ALPK2: variants seen among roughly 807,000 people sequenced by gnomAD.
The protein encoded by ALPK2 is alpha-protein kinase 2.
Under a neutral mutation model 163.1 loss-of-function variants are expected in ALPK2, and 127 were observed. That is an observed-to-expected ratio of 0.78 (90% confidence interval 0.67 to 0.90). The LOEUF (loss-of-function observed/expected upper bound fraction) is 0.90. Ranked by LOEUF, ALPK2 falls within the 40% of genes least tolerant of loss-of-function variation. The probability of loss-of-function intolerance (pLI) is 0.00; values close to 1 mark genes in which losing one functional copy is unlikely to be tolerated. For missense variants in ALPK2, 2,360 were observed against 2,589.6 expected, an observed-to-expected ratio of 0.91 and a Z score of 1.92; for synonymous variants, 953 against 959.1, an observed-to-expected ratio of 0.99 and a Z score of 0.12.
intron 4 of ALPK2, among the ~76,000 whole-genome samples, chr18:58,554,234 G>A (rs1004176016): frequency 6.6e-6 from 1 of 152,172 alleles, no homozygotes; most frequent in African/African-American, 2.4e-5. Context: ...TTTGGGGCTG[G>A]AATGATGGAC....
Position 58,537,233 on chromosome 18 carries a change from G to A in ALPK2, c.2954C>T (p.Pro985Leu), listed in dbSNP as rs551156952. The A allele has an allele frequency of 1.2e-6, 2 of 1,614,190 alleles. No homozygotes were observed. The highest frequency in any genetic ancestry group is 1.7e-6 in the Non-Finnish European group (2 of 1,180,008). ...AGTTAATGTTGTTGGCTTCTCCCAA[G>A]GAAAACTCACAATTGAACTATAACT... ...PASYSSIVSF[P>L]WEKPTTLTAN... Residue 985 changes from proline to leucine, a missense_variant, in exon 5 of 13, where the codon CCT (proline) becomes CTT (leucine). Pro to Leu is a moderately conservative substitution (Grantham distance 98). Coordinates refer to ENST00000361673, the MANE Select transcript of ALPK2 (RefSeq NM_052947.4).
chr18:58,579,067 G>A lies in ALPK2; in HGVS notation c.1709C>T (p.Ser570Phe). The A allele has an allele frequency of 1.9e-6, 3 of 1,614,246 alleles. No homozygotes were observed. Among genetic ancestry groups the A allele is most frequent in the Non-Finnish European group, 2.5e-6 (3 of 1,180,046 alleles). The change falls in exon 4 of 13, where the codon TCT (serine) becomes TTT (phenylalanine). Residue 570 changes from serine to phenylalanine, a missense_variant. Physicochemically the swap from Ser to Phe is radical, Grantham distance 155 (BLOSUM62 -2). Transcript: ENST00000361673. ...ACTCTGGGTTAGTGGGGGCTCAGCAGATTCTTTGGCAGAGCAGAGATGAAG... is the reference window on the plus strand; with the variant it reads ...ACTCTGGGTTAGTGGGGGCTCAGCAAATTCTTTGGCAGAGCAGAGATGAAG... ...GTLHLCSAKE[S>F]AEPPLTQSDK...
intron 11 of ALPK2, among the ~76,000 whole-genome samples, chr18:58,498,625 ATG>A (rs1348094193): frequency 6.6e-6 from 1 of 152,176 alleles, no homozygotes; most frequent in Non-Finnish European, 1.5e-5. Context: ...CATAATTCCC[ATG>A]TGTGGTGAGA....
chr18:58,482,214 CTG>C (rs1022556494), intron 12 of ALPK2, among the ~76,000 whole-genome samples, 175 bp from the exon 13 acceptor site: 3 of 152,136 alleles, frequency 2.0e-5, no homozygotes, highest in African/African-American at 7.2e-5. Context: ...AAAACAAAGA[CTG>C]TGGAAATAAG....
Position 58,535,863 on chromosome 18 carries a change from CCATGTTTCCGT to C in ALPK2, c.4313_4323del (p.Asp1438GlyfsTer23), listed in dbSNP as rs1653283872. On this transcript the variant is annotated frameshift_variant, in exon 5 of 13. Coordinates refer to ENST00000361673, the MANE Select transcript of ALPK2 (RefSeq NM_052947.4). Reference sequence around the variant, plus strand: ...GCCGGCTGGATTTCCGCTTCGTGGCCCATGTTTCCGTCATTTGATTGACCCCCTTCTCTGGC... The same window carrying C: ...GCCGGCTGGATTTCCGCTTCGTGGCCCATTTGATTGACCCCCTTCTCTGGC... 3 of 1,614,082 alleles carry C rather than the reference CCATGTTTCCGT, an allele frequency of 1.9e-6. No individual in the cohort carries two copies. Among genetic ancestry groups the C allele is most frequent in the Non-Finnish European group, 2.5e-6 (3 of 1,180,018 alleles).
chr18:58,504,073 T>A lies in ALPK2; in HGVS notation c.6105A>T (p.Gly2035=), dbSNP rs76982718. 65 of 1,614,056 alleles carry A rather than the reference T, an allele frequency of 4.0e-5. No homozygotes were observed. The East Asian group carries it at 1.4e-3, about 36-fold the overall frequency. The change falls in exon 11 of 13, where the codon GGA becomes GGT. Residue 2035 remains glycine, a synonymous_variant. Coordinates refer to ENST00000361673, the MANE Select transcript of ALPK2 (RefSeq NM_052947.4). ...PYATVEEELI[G]EFVKYSIRDG... is the part of the protein sequence containing the mutation. Reference sequence around the variant, plus strand: ...CCCTGATGGAATACTTCACAAATTCTCCAATCAGCTCCTCCTCCACTGTAG... The same window carrying A: ...CCCTGATGGAATACTTCACAAATTCACCAATCAGCTCCTCCTCCACTGTAG...
intron 3 of ALPK2, among the ~76,000 whole-genome samples, chr18:58,596,243 TCGTCTGC>T (rs1292889937): frequency 6.6e-6 from 1 of 152,214 alleles, no homozygotes; most frequent in Non-Finnish European, 1.5e-5. Context: ...TGGCTTCCCT[TCGTCTGC>T]CGTTCTGTTG....
intron 6 of ALPK2, chr18:58,528,761 A>G (rs908491342): frequency 6.7e-6 from 2 of 297,084 alleles, no homozygotes; most frequent in Non-Finnish European, 1.3e-5. Context: ...TACAGATGAG[A>G]GCTCTTTAAT....
chr18:58,524,958 A>C (rs991653541), intron 6 of ALPK2, among the ~76,000 whole-genome samples: 2 of 151,806 alleles, frequency 1.3e-5, no homozygotes, highest in Admixed American at 1.3e-4. Flanking sequence ...CAGCAAAAAA[A>C]AAAAAAAAAA....
At chr18:58,603,437 C>T (rs556753646) in intron 3 of ALPK2, among the ~76,000 whole-genome samples, 3 of 152,254 alleles carry the variant, frequency 2.0e-5, no homozygotes, top group African/African-American at 4.8e-5. Context: ...CCAGCCTAGC[C>T]GATGCCAGGG....
At position 58,579,715 on chromosome 18, in the gene ALPK2, AC is replaced by A. The variant is rs1568091875; in HGVS notation, c.1060del (p.Val354PhefsTer4). On this transcript the variant is annotated frameshift_variant, in exon 4 of 13. Coordinates refer to ENST00000361673, the MANE Select transcript of ALPK2 (RefSeq NM_052947.4). LOFTEE classifies it high-confidence loss of function. ...TTCGTCATCGCTTTCTAATAAAAAA[AC>A]ATGCTCAGTCCCCAGCAGGTTCCTT... ...WQRNLLGTEH[V>X]FLLESDDEEM... The A allele has an allele frequency of 6.2e-7, 1 of 1,614,190 alleles. No individual in the cohort carries two copies. Among genetic ancestry groups the A allele is most frequent in the Admixed American group, 1.7e-5 (1 of 60,024 alleles).
At chr18:58,518,943 T>C (rs1319220293) in intron 8 of ALPK2, among the ~76,000 whole-genome samples, 1 of 152,246 alleles carries the variant, frequency 6.6e-6, no homozygotes. Context: ...GAATTATACA[T>C]GTTCATAAAC....
intron 3 of ALPK2, among the ~76,000 whole-genome samples, chr18:58,596,293 C>G (rs539766359): frequency 3.3e-5 from 5 of 152,168 alleles, no homozygotes; most frequent in Non-Finnish European, 7.4e-5. Flanking sequence ...GTCCTGTGTC[C>G]CTCTCTATCT....
chr18:58,566,865 T>C (rs2051856440), intron 4 of ALPK2, among the ~76,000 whole-genome samples: 1 of 152,186 alleles, frequency 6.6e-6, no homozygotes, highest in African/African-American at 2.4e-5. Context: ...TCTTGTTGTT[T>C]CCAAACTCCT....
chr18:58,579,394 T>A lies in ALPK2; in HGVS notation c.1382A>T (p.Asp461Val). 1 of 1,614,152 alleles carries A rather than the reference T, an allele frequency of 6.2e-7. No individual in the cohort carries two copies. The highest frequency in any genetic ancestry group is 8.5e-7 in the Non-Finnish European group (1 of 1,180,020). ...LPTAPEAAEN[D>V]YPGIQGETRD... Reference sequence around the variant, plus strand: ...GGTTTCTCCTTGAATTCCTGGATAATCATTTTCAGCAGCCTCGGGAGCAGT... The same window carrying A: ...GGTTTCTCCTTGAATTCCTGGATAAACATTTTCAGCAGCCTCGGGAGCAGT... The change falls in exon 4 of 13, where the codon GAT (aspartate) becomes GTT (valine). Residue 461 changes from aspartate (D) to valine (V), a missense_variant. Physicochemically the swap from Asp to Val is radical, Grantham distance 152. Coordinates refer to ENST00000361673, the MANE Select transcript of ALPK2 (RefSeq NM_052947.4).
At chr18:58,589,118 C>T (rs922257441) in intron 3 of ALPK2, among the ~76,000 whole-genome samples, 1 of 152,186 alleles carries the variant, frequency 6.6e-6, no homozygotes, top group Non-Finnish European at 1.5e-5. Flanking sequence ...CACAGCAGAA[C>T]AGCTGGCTGT....
intron 3 of ALPK2, 145 bp downstream of exon 3, chr18:58,607,177 C>A (rs1352036515): frequency 3.7e-6 from 2 of 542,468 alleles, no homozygotes; most frequent in African/African-American, 1.9e-5. Context: ...TTGCTGGGTG[C>A]TTTGGCAGAT....
chr18:58,563,579 C>A (rs2051835869), intron 4 of ALPK2, among the ~76,000 whole-genome samples: 1 of 152,128 alleles, frequency 6.6e-6, no homozygotes, highest in Admixed American at 6.5e-5. Context: ...TGACCACAGG[C>A]AAAGAGATTA....
intron 10 of ALPK2, among the ~76,000 whole-genome samples, chr18:58,510,256 G>T (rs1028457290): frequency 5.9e-5 from 9 of 152,102 alleles, no homozygotes; most frequent in Non-Finnish European, 1.0e-4. Flanking sequence ...CTCTGTTTTG[G>T]TACCAGTACC....
Sources: allele counts gnomAD v4.1 joint callset (sites outside exome capture counted in the v4.1 genomes callset), GRCh38; gene constraint gnomAD v4.1.1; transcripts MANE v1.5; gene names NCBI Gene and HGNC (gene_info 2026-07-23, HGNC 2026-07-21).